WBP4: variants seen among roughly 807,000 people sequenced by gnomAD.
WBP4 encodes the protein WW domain-binding protein 4.
Under a neutral mutation model 55.4 loss-of-function variants are expected in WBP4, and 37 were observed. The observed-to-expected ratio is 0.67, with a 90% CI of 0.51 to 0.88. The LOEUF (loss-of-function observed/expected upper bound fraction) is 0.88, where lower values mean the gene tolerates loss of function less well. Ranked by LOEUF, WBP4 falls within the 40% of genes least tolerant of loss-of-function variation. The pLI is 0.00. For synonymous variants in WBP4, 142 were observed against 140.2 expected (o/e 1.01, Z -0.09); for missense variants, 398 against 420.8 (o/e 0.95, Z 0.47).
chr13:41,062,316 A>G (rs1158040236), intron 1 of WBP4: 5 of 966,992 alleles, frequency 5.2e-6, no homozygotes. Context: ...CATTACAGCA[A>G]CCTCCCCCAA....
At chr13:41,082,667 C>T (rs1190641753) in intron 9 of WBP4, 37 bp from the exon 10 acceptor site, 1 of 1,600,014 alleles carries the variant, frequency 6.2e-7, no homozygotes, top group Middle Eastern at 1.7e-4. Flanking sequence ...TTTGTCTTAC[C>T]CTGTCAAATA....
Position 41,070,776 on chromosome 13 carries a change from AG to A in WBP4, c.440-750del, listed in dbSNP as rs1878208381. ...TACATATATTAAAGGAATGGATAGA[AG>A]AAAAGCCAGCAAAAGAAGGTTAAGA... On this transcript the variant is annotated intron_variant, in intron 5 of 9. Coordinates refer to ENST00000379487, the MANE Select transcript of WBP4 (RefSeq NM_007187.5). 5.3e-5 allele frequency among the ~76,000 whole-genome samples: 8 copies of A among 152,264 alleles called. No homozygotes were observed. In the South Asian group the frequency reaches 1.5e-3, roughly 28 times the overall value.
Position 41,065,289 on chromosome 13 carries a change from T to TGA in WBP4, c.262+2_262+3insGA. On this transcript the variant is annotated splice_region_variant and intron_variant, in intron 4 of 9. Coordinates refer to ENST00000379487, the MANE Select transcript of WBP4 (RefSeq NM_007187.5). ...TGAAAAGACTTGGCTTAGAGTCAGG[T>TGA]AAAAAAAAAAAAAAAAAAAAAGCAG... The TGA allele has an allele frequency of 2.4e-6, 3 of 1,262,574 alleles. No homozygotes were observed. Among genetic ancestry groups the TGA allele is most frequent in the Non-Finnish European group, 3.0e-6 (3 of 1,004,282 alleles). 78.2% of individuals were successfully genotyped at this position (1,262,574 alleles called of 1,614,324 possible). A position where few individuals can be genotyped will look rare whatever the true frequency, so the allele number is the denominator to read the frequency against.
At chr13:41,074,152 C>G (rs1030678683) in intron 7 of WBP4, among the ~76,000 whole-genome samples, 1 of 151,968 alleles carries the variant, frequency 6.6e-6, no homozygotes, top group Non-Finnish European at 1.5e-5. Context: ...AGGATGGTCT[C>G]GATCTCCTGA....
intron 9 of WBP4, among the ~76,000 whole-genome samples, chr13:41,081,267 G>A (rs983442818): frequency 2.0e-5 from 3 of 151,972 alleles, no homozygotes; most frequent in Non-Finnish European, 4.4e-5. Flanking sequence ...AGGAGGCCAA[G>A]GCAGGCAGAT....
chr13:41,076,143 A>G lies in WBP4; in HGVS notation c.662A>G (p.Lys221Arg), dbSNP rs750607533. 4 of 1,613,658 alleles carry G rather than the reference A, an allele frequency of 2.5e-6. No homozygotes were observed. Among genetic ancestry groups the G allele is most frequent in the Admixed American group, 1.7e-5 (1 of 59,906 alleles). ...TCACTTGGCACCCTAGATGAATCCA[A>G]ATCATCAGATTCGCATAGTGATTCT... Reference protein sequence around the residue: ...ENSLGTLDESKSSDSHSDSDG... With the variant: ...ENSLGTLDESRSSDSHSDSDG... The change falls in exon 8 of 10, where the codon AAA becomes AGA. Residue 221 changes from lysine (K) to arginine (R), a missense_variant. Coordinates refer to ENST00000379487, the MANE Select transcript of WBP4 (RefSeq NM_007187.5).
At chr13:41,069,376 A>G (rs1878127217) in intron 5 of WBP4, among the ~76,000 whole-genome samples, 1 of 152,004 alleles carries the variant, frequency 6.6e-6, no homozygotes, top group South Asian at 2.1e-4. Flanking sequence ...AAAAATACAA[A>G]ATTAGGCTAG....
At chr13:41,076,517 G>A (rs920071857) in intron 8 of WBP4, among the ~76,000 whole-genome samples, 4 of 151,936 alleles carry the variant, frequency 2.6e-5, no homozygotes, top group African/African-American at 9.7e-5. Context: ...TCCTGACCTC[G>A]TGATCTACTT....
At chr13:41,063,177 A>G (rs1566207397) in intron 2 of WBP4, among the ~76,000 whole-genome samples, 2 of 152,182 alleles carry the variant, frequency 1.3e-5, no homozygotes, top group African/African-American at 2.4e-5. Context: ...TTCCTTTCTC[A>G]TGAAACAAAG....
intron 8 of WBP4, 67 bp downstream of exon 8, chr13:41,076,304 G>C: frequency 8.7e-7 from 1 of 1,146,208 alleles, no homozygotes. Flanking sequence ...TTTTGAGATG[G>C]AGTCTTGTTC....
At chr13:41,072,028 A>G (rs1346522316) in intron 6 of WBP4, among the ~76,000 whole-genome samples, 38 of 150,942 alleles carry the variant, frequency 2.5e-4, no homozygotes, top group African/African-American at 8.8e-4. Context: ...CCTGGATAAC[A>G]AAGTAAGACT....
rs776528794 is a variant in WBP4, at chr13:41,065,014, A to G, written c.76-2A>G. On this transcript the variant is annotated splice_acceptor_variant, in intron 2 of 9. Transcript: ENST00000379487. LOFTEE classifies it high-confidence loss of function. Reference sequence around the variant, plus strand: ...TTGTTATTTTCTCTTTTCATTTTCAAGAGTGTTGAATTTCATGAAAGAGGA... The same window carrying G: ...TTGTTATTTTCTCTTTTCATTTTCAGGAGTGTTGAATTTCATGAAAGAGGA... The G allele has an allele frequency of 1.9e-6, 3 of 1,568,522 alleles. No individual in the cohort carries two copies. In the African/African-American group the frequency reaches 4.2e-5, roughly 22 times the overall value.
chr13:41,081,897 T>C (rs1878795953), intron 9 of WBP4, among the ~76,000 whole-genome samples: 1 of 152,264 alleles, frequency 6.6e-6, no homozygotes, highest in Non-Finnish European at 1.5e-5. Flanking sequence ...CAACAGGTTT[T>C]ACGCTCTCAG....
rs188942098 is a variant in WBP4 at position 41,069,647 on chromosome 13, G to A, written c.439+910G>A. Among the ~76,000 whole-genome samples, 1,278 of 150,014 alleles carry A rather than the reference G, an allele frequency of 8.5e-3. 12 individuals are homozygous for A. Among genetic ancestry groups the A allele is most frequent in the Admixed American group, 0.017 (261 of 14,990 alleles). On this transcript the variant is annotated intron_variant, in intron 5 of 9. Coordinates refer to ENST00000379487, the MANE Select transcript of WBP4 (RefSeq NM_007187.5). ...ACTGAACCCAGGAAGCGGAGCTTGCGGTGAGCGTAGATTGGGCCACTGTAC... is the reference window on the plus strand; with the variant it reads ...ACTGAACCCAGGAAGCGGAGCTTGCAGTGAGCGTAGATTGGGCCACTGTAC...
chr13:41,075,271 G>C (rs964589525), intron 7 of WBP4, among the ~76,000 whole-genome samples: 9 of 152,114 alleles, frequency 5.9e-5, no homozygotes, highest in African/African-American at 1.7e-4. Flanking sequence ...TCAGTCAATT[G>C]AGATTCCCAT....
chr13:41,075,446 A>G (rs891941502), intron 7 of WBP4, among the ~76,000 whole-genome samples: 3 of 152,150 alleles, frequency 2.0e-5, no homozygotes, highest in Admixed American at 6.6e-5. Flanking sequence ...CAGTGGCACA[A>G]TCATGATTCA....
chr13:41,068,073 G>A (rs547730531), intron 4 of WBP4, among the ~76,000 whole-genome samples: 1 of 152,000 alleles, frequency 6.6e-6, no homozygotes, highest in South Asian at 2.1e-4. Flanking sequence ...GATGTAGGGG[G>A]TACAAGTGCA....
chr13:41,064,791 T>C (rs1877871825), intron 2 of WBP4, among the ~76,000 whole-genome samples: 1 of 152,190 alleles, frequency 6.6e-6, no homozygotes, highest in Non-Finnish European at 1.5e-5. Flanking sequence ...TCATGGTTTA[T>C]TTTAAGAACC....
At chr13:41,065,684 T>C (rs188163503) in intron 4 of WBP4, among the ~76,000 whole-genome samples, 1 of 152,138 alleles carries the variant, frequency 6.6e-6, no homozygotes, top group Non-Finnish European at 1.5e-5. Flanking sequence ...AAATTATGAG[T>C]CTTGTATATT....
Sources: gnomAD v4.1 joint callset for allele counts (sites outside exome capture counted in the v4.1 genomes callset) on GRCh38, gnomAD v4.1.1 for gene constraint, MANE v1.5 for transcripts, NCBI Gene and HGNC (gene_info 2026-07-23, HGNC 2026-07-21) for gene names.